Variants in PRR16 observed in about 807,000 individuals in gnomAD.
PRR16 encodes protein Largen.
A neutral mutation model predicts 18.2 loss-of-function variants in PRR16; 6 were observed. The ratio of observed to expected loss-of-function variants is 0.33; its 90% CI spans 0.18 to 0.65. The LOEUF (loss-of-function observed/expected upper bound fraction) is 0.65. PRR16 is among the 30% of genes least tolerant of loss of function. The pLI is 0.74. For missense variants in PRR16, 412 were observed against 376.6 expected (o/e 1.09, Z -0.78); for synonymous variants, 151 against 147.8 (o/e 1.02, Z -0.16).
the PRR16 span, among the ~76,000 whole-genome samples, chr5:120,739,090 A>C: frequency 6.6e-6 from 1 of 152,196 alleles, no homozygotes; most frequent in South Asian, 2.1e-4. Flanking sequence ...AGAGATAAGC[A>C]GTAGCAAGTG....
At chr5:120,628,079 C>T (rs1472481198) in intron 1 of PRR16, among the ~76,000 whole-genome samples, 1 of 151,964 alleles carries the variant, frequency 6.6e-6, no homozygotes. Flanking sequence ...CTGTGGTTAT[C>T]ATGTGAATTT....
chr5:120,533,314 T>G (rs558092183), intron 1 of PRR16, among the ~76,000 whole-genome samples: 5 of 152,312 alleles, frequency 3.3e-5, no homozygotes, highest in African/African-American at 9.6e-5. Context: ...TGGAGATATA[T>G]CAGTAAATTA....
Position 120,637,652 on chromosome 5 carries a change from G to A in PRR16, c.160-48302G>A, listed in dbSNP as rs376536393. 7.0e-3 allele frequency among the ~76,000 whole-genome samples: 1,065 copies of A among 152,174 alleles called. 4 individuals carry two copies. Among genetic ancestry groups the A allele is most frequent in the African/African-American group, 0.012 (483 of 41,534 alleles). On this transcript the variant is annotated intron_variant, in intron 1 of 1. Coordinates refer to ENST00000407149, the MANE Select transcript of PRR16 (RefSeq NM_001300783.2). The stretch of plus-strand genomic sequence containing the variant: ...TGGACTTTGGGGATTTGGGGGGAAG[G>A]GTGAGGGATGGCAAGAGATAAAAGA...
intron 1 of PRR16, among the ~76,000 whole-genome samples, chr5:120,599,738 G>T (rs892082273): frequency 2.6e-5 from 4 of 151,682 alleles, no homozygotes; most frequent in African/African-American, 4.8e-5. Flanking sequence ...GTGATTAGTG[G>T]TTGCCTTGAC....
At chr5:120,657,358 A>G (rs1189050454) in intron 1 of PRR16, among the ~76,000 whole-genome samples, 1 of 151,844 alleles carries the variant, frequency 6.6e-6, no homozygotes, top group African/African-American at 2.4e-5. Context: ...TGCTTGAGCC[A>G]GCTCATAGGG....
intron 1 of PRR16, among the ~76,000 whole-genome samples, chr5:120,577,610 A>G (rs1041233004): frequency 6.6e-6 from 1 of 152,192 alleles, no homozygotes; most frequent in Admixed American, 6.6e-5. Context: ...ACAGGAAAGA[A>G]CACAAATGTT....
At chr5:120,634,772 C>T (rs1441341347) in intron 1 of PRR16, among the ~76,000 whole-genome samples, 2 of 151,874 alleles carry the variant, frequency 1.3e-5, no homozygotes, top group Non-Finnish European at 2.9e-5. Context: ...CAGAGCAGAA[C>T]TAAATGAAAT....
intron 1 of PRR16, among the ~76,000 whole-genome samples, chr5:120,567,556 T>C (rs1752776105): frequency 6.6e-6 from 1 of 152,164 alleles, no homozygotes; most frequent in African/African-American, 2.4e-5. Flanking sequence ...TCACACTGAA[T>C]TGTGATCTTC....
At chr5:120,519,099 G>A (rs867481340) in intron 1 of PRR16, among the ~76,000 whole-genome samples, 2 of 152,022 alleles carry the variant, frequency 1.3e-5, no homozygotes, top group Non-Finnish European at 2.9e-5. Context: ...CAAGGAGGGA[G>A]TATACCTTCT....
In PRR16 at chr5:120,512,508, T is replaced by C. The variant is rs145730119; in HGVS notation, c.159+47863T>C. ...AATCAGAAAGGGATGAATTGCATCT[T>C]ATGGGTCGGTGGTTTCTGGCGGCAT... On this transcript the variant is annotated intron_variant, in intron 1 of 1. Coordinates refer to ENST00000407149, the MANE Select transcript of PRR16 (RefSeq NM_001300783.2). 7.3e-3 allele frequency among the ~76,000 whole-genome samples: 1,109 copies of C among 152,220 alleles called. 6 individuals carry two copies. Among genetic ancestry groups the C allele is most frequent in the Non-Finnish European group, 0.011 (750 of 68,014 alleles).
chr5:120,604,713 T>C (rs572617655), intron 1 of PRR16, among the ~76,000 whole-genome samples: 135 of 152,190 alleles, frequency 8.9e-4, no homozygotes, highest in Admixed American at 1.4e-3. Flanking sequence ...AAGGACCTCT[T>C]GTAAGGCAGA....
intron 1 of PRR16, among the ~76,000 whole-genome samples, chr5:120,484,843 A>C (rs1432037153): frequency 6.6e-6 from 1 of 150,912 alleles, no homozygotes; most frequent in African/African-American, 2.4e-5. Flanking sequence ...AATAATTAGG[A>C]AGTTGGTGTC....
chr5:120,646,967 G>A (rs574510345), intron 1 of PRR16, among the ~76,000 whole-genome samples: 347 of 151,954 alleles, frequency 2.3e-3, no homozygotes, highest in African/African-American at 7.8e-3. Flanking sequence ...AATGAAAAAA[G>A]GCAATAGTTC....
intron 1 of PRR16, among the ~76,000 whole-genome samples, chr5:120,506,576 A>G (rs1263205061): frequency 6.6e-6 from 1 of 152,098 alleles, no homozygotes; most frequent in African/African-American, 2.4e-5. Flanking sequence ...CCAGAGTGAG[A>G]TGATACCGTA....
intron 1 of PRR16, among the ~76,000 whole-genome samples, chr5:120,539,167 T>C (rs1751827373): frequency 6.6e-6 from 1 of 151,992 alleles, no homozygotes; most frequent in Admixed American, 6.6e-5. Context: ...CTCATGAATA[T>C]TTTCTTTTGA....
intron 1 of PRR16, among the ~76,000 whole-genome samples, chr5:120,610,744 A>G (rs1299761973): frequency 2.0e-5 from 3 of 152,060 alleles, no homozygotes; most frequent in African/African-American, 7.2e-5. Flanking sequence ...TTTTCTTCCC[A>G]GTGTTGGCTA....
intron 1 of PRR16, among the ~76,000 whole-genome samples, chr5:120,625,053 G>T (rs2112828522): frequency 6.6e-6 from 1 of 152,236 alleles, no homozygotes; most frequent in South Asian, 2.1e-4. Flanking sequence ...ATTATAAATT[G>T]CCCAGTCTTG....
At chr5:120,707,886 C>T in the PRR16 span, among the ~76,000 whole-genome samples, 10 of 152,116 alleles carry the variant, frequency 6.6e-5, no homozygotes, top group Admixed American at 6.5e-4. Flanking sequence ...GGCTTGTCAG[C>T]TGGGAAAACA....
chr5:120,638,279 C>G (rs928160867), intron 1 of PRR16, among the ~76,000 whole-genome samples: 1 of 152,028 alleles, frequency 6.6e-6, no homozygotes. Context: ...ATTAAGGATG[C>G]CCAACCTATA....
Sources: allele counts gnomAD v4.1 joint callset (sites outside exome capture counted in the v4.1 genomes callset), GRCh38; gene constraint gnomAD v4.1.1; transcripts MANE v1.5; gene names NCBI Gene and HGNC (gene_info 2026-07-23, HGNC 2026-07-21).